Variants in DCHS2 observed in about 807,000 individuals in gnomAD.
DCHS2 encodes the protein dachsous cadherin-related 2, also known as protocadherin-23.
DCHS2 carries 142 observed loss-of-function variants against 182.4 expected under a neutral mutation model. The observed-to-expected ratio is 0.78, with a 90% CI of 0.68 to 0.89. The LOEUF is 0.89. DCHS2 is among the 40% of genes least tolerant of loss of function. The pLI is 0.00. For missense variants in DCHS2, 4,319 were observed against 4,198.6 expected, an observed-to-expected ratio of 1.03 and a Z score of -0.79; for synonymous variants, 1,740 against 1,663.3, an observed-to-expected ratio of 1.05 and a Z score of -1.12.
chr4:154,323,057 A>G (rs571273670), intron 7 of DCHS2: 1 of 748,908 alleles, frequency 1.3e-6, no homozygotes, highest in Non-Finnish European at 2.0e-6. Context: ...TAATCTATGG[A>G]TTCCTGCCAC....
At chr4:154,439,203 C>T (rs1395994294) in intron 1 of DCHS2, among the ~76,000 whole-genome samples, 1 of 152,166 alleles carries the variant, frequency 6.6e-6, no homozygotes, top group Non-Finnish European at 1.5e-5. Context: ...ACCAAACATA[C>T]ATATACATAG....
chr4:154,329,584 T>G lies in DCHS2; in HGVS notation c.3857A>C (p.Asp1286Ala), dbSNP rs1561046099. The G allele has an allele frequency of 3.7e-6, 6 of 1,613,624 alleles. No individual in the cohort carries two copies. The highest frequency in any genetic ancestry group is 4.2e-6 in the Non-Finnish European group (5 of 1,179,922). Reference sequence around the variant, plus strand: ...GAAGAAGGGCCTGTTATCATTGATGTCAGTAACTGAGACGTAAACCGCCAT... The same window carrying G: ...GAAGAAGGGCCTGTTATCATTGATGGCAGTAACTGAGACGTAAACCGCCAT... ...ATMAVYVSVT[D>A]INDNRPFFPQ... Residue 1286 changes from aspartate to alanine, a missense_variant, in exon 6 of 20, where the codon GAC becomes GCC. Transcript: ENST00000357232.
chr4:154,276,128 T>C (rs1733844075), intron 13 of DCHS2, among the ~76,000 whole-genome samples: 1 of 152,150 alleles, frequency 6.6e-6, no homozygotes, highest in Non-Finnish European at 1.5e-5. Flanking sequence ...AAAGTCTATC[T>C]CTGGGCATAT....
chr4:154,397,200 A>C (rs190224735), intron 1 of DCHS2, among the ~76,000 whole-genome samples: 12 of 152,330 alleles, frequency 7.9e-5, no homozygotes, highest in African/African-American at 2.6e-4. Context: ...GGAAAGAGAC[A>C]TAAACAGTAA....
chr4:154,235,671 A>G lies in DCHS2; in HGVS notation c.8981T>C (p.Phe2994Ser). 1 of 1,613,984 alleles carries G rather than the reference A, an allele frequency of 6.2e-7. No homozygotes were observed. Among genetic ancestry groups the G allele is most frequent in the Admixed American group, 1.7e-5 (1 of 60,000 alleles). Residue 2994 changes from phenylalanine (F) to serine (S), a missense_variant, in exon 20 of 20, where the codon TTT (phenylalanine) becomes TCT (serine). Phe to Ser is a radical substitution (Grantham distance 155). Transcript: ENST00000357232. ...AAAGGAGACCACCAGGCTGATTGAAAAGCTGCTGGCGAACACTGCCAAGGG... is the reference window on the plus strand; with the variant it reads ...AAAGGAGACCACCAGGCTGATTGAAGAGCTGCTGGCGAACACTGCCAAGGG... ...GTPLAVFASS[F>S]SISLVVSFLV...
chr4:154,403,644 A>G (rs1300403854), intron 1 of DCHS2, among the ~76,000 whole-genome samples: 1 of 152,162 alleles, frequency 6.6e-6, no homozygotes, highest in Non-Finnish European at 1.5e-5. Context: ...TATTAGGATG[A>G]TCCTGGCCTT....
Position 154,320,478 on chromosome 4 carries a change from T to C in DCHS2, c.4921A>G (p.Ile1641Val), listed in dbSNP as rs1736013157. The C allele has an allele frequency of 1.9e-6, 3 of 1,614,126 alleles. No homozygotes were observed. Among genetic ancestry groups the C allele is most frequent in the East Asian group, 2.2e-5 (1 of 44,884 alleles). The change falls in exon 9 of 20, where the codon ATA becomes GTA. Residue 1641 changes from isoleucine (I) to valine (V), a missense_variant. Ile to Val is a conservative substitution (Grantham distance 29). Coordinates refer to ENST00000357232, the MANE Select transcript of DCHS2 (RefSeq NM_001358235.2). ...DVTVGSLVHH[I>V]TAHDPDEGRN... ...CCTTCGTCTGGATCGTGAGCAGTTA[T>C]GTGGTGGACCAAGGAGCCCACTGTG...
At chr4:154,368,263 TG>T (rs1730483375) in intron 2 of DCHS2, among the ~76,000 whole-genome samples, 1 of 152,200 alleles carries the variant, frequency 6.6e-6, no homozygotes, top group Admixed American at 6.5e-5. Flanking sequence ...CCACAGACCC[TG>T]CTGCTGCTCG....
intron 2 of DCHS2, chr4:154,374,001 GCAAAAAAAAA>G (rs2110795842): frequency 1.8e-6 from 1 of 548,428 alleles, no homozygotes; most frequent in Non-Finnish European, 2.4e-6. Context: ...TATTTTAATA[GCAAAAAAAAA>G]AAAAAAAAAA....
chr4:154,451,873 T>C (rs1734550774), intron 1 of DCHS2, among the ~76,000 whole-genome samples: 1 of 152,232 alleles, frequency 6.6e-6, no homozygotes, highest in Admixed American at 6.5e-5. Flanking sequence ...GGAAGAGATA[T>C]GTGGACAGAC....
intron 1 of DCHS2, among the ~76,000 whole-genome samples, chr4:154,385,064 T>C (rs913981600): frequency 8.2e-5 from 12 of 145,694 alleles, no homozygotes; most frequent in Non-Finnish European, 1.4e-4. Context: ...TCTAATGCTA[T>C]CCCTTCCCCC....
chr4:154,399,263 C>T (rs547102948), intron 1 of DCHS2, among the ~76,000 whole-genome samples: 8 of 152,182 alleles, frequency 5.3e-5, no homozygotes, highest in Non-Finnish European at 8.8e-5. Context: ...CCACCCTCTC[C>T]CTTTGCTTTT....
rs531763008 is a variant in DCHS2, at chr4:154,392,857, C to G, written c.2053-15413G>C. Among the ~76,000 whole-genome samples, 7 of 152,314 alleles carry G rather than the reference C, an allele frequency of 4.6e-5. No homozygotes were observed. The South Asian group carries it at 1.2e-3, about 27-fold the overall frequency. ...GTGTCAGGGAAAGTCAATGCTGCTT[C>G]TCTTGATCAGTTAGGAATGTTTCTA... On this transcript the variant is annotated intron_variant, in intron 1 of 19. Transcript: ENST00000357232.
chr4:154,298,826 T>C, intron 12 of DCHS2, 118 bp from the exon 13 acceptor site: 1 of 1,370,468 alleles, frequency 7.3e-7, no homozygotes, highest in Non-Finnish European at 9.5e-7. Context: ...CCGATTATAT[T>C]GTATCCTAGC....
intron 1 of DCHS2, among the ~76,000 whole-genome samples, chr4:154,426,786 T>TAAAAATAAAAA (rs372748862): frequency 0.29 from 42,541 of 147,706 alleles, 8,168 homozygotes; most frequent in East Asian, 0.68. Flanking sequence ...AAAAATAAAC[T>TAAAAATAAAAA]TAAAAATAAA....
At chr4:154,328,840 A>C (rs1736397087) in intron 6 of DCHS2, among the ~76,000 whole-genome samples, 1 of 152,206 alleles carries the variant, frequency 6.6e-6, no homozygotes, top group African/African-American at 2.4e-5. Flanking sequence ...TGAGTTGTTC[A>C]ATATGTATAT....
intron 1 of DCHS2, among the ~76,000 whole-genome samples, chr4:154,402,253 T>G (rs1319901853): frequency 2.0e-5 from 3 of 152,222 alleles, no homozygotes; most frequent in Non-Finnish European, 4.4e-5. Flanking sequence ...TCTTTCTTAA[T>G]GCTTATTCTG....
chr4:154,253,420 T>C (rs553328193), intron 16 of DCHS2, among the ~76,000 whole-genome samples: 18 of 152,270 alleles, frequency 1.2e-4, no homozygotes, highest in Admixed American at 8.5e-4. Flanking sequence ...TTAGGTTCCA[T>C]TGAGTAAGAA....
intron 14 of DCHS2, among the ~76,000 whole-genome samples, chr4:154,267,787 G>A (rs1733354527): frequency 6.6e-6 from 1 of 152,098 alleles, no homozygotes. Flanking sequence ...CAGAAATGCG[G>A]CAGCACCTTC....
Sources: allele counts gnomAD v4.1 joint callset (sites outside exome capture counted in the v4.1 genomes callset), GRCh38; gene constraint gnomAD v4.1.1; transcripts MANE v1.5; gene names NCBI Gene and HGNC (gene_info 2026-07-23, HGNC 2026-07-21).